MEIS1: variants seen among roughly 807,000 people sequenced by gnomAD.
MEIS1 encodes the protein Meis homeobox 1, also known as homeobox protein Meis1.
In MEIS1, 5 loss-of-function variants were observed where a neutral mutation model predicts 50.8. That is an observed-to-expected ratio of 0.10 (90% confidence interval 0.05 to 0.21). MEIS1 has a LOEUF of 0.21. Among genes scored for constraint, MEIS1 ranks in the 10% least tolerant of loss-of-function variants. The pLI is 1.00. For missense variants in MEIS1, 318 were observed against 517.3 expected (o/e 0.61, Z 3.74); for synonymous variants, 176 against 179.3 (o/e 0.98, Z 0.15).
intron 7 of MEIS1, among the ~76,000 whole-genome samples, chr2:66,485,420 C>A (rs180894405): frequency 6.6e-6 from 1 of 152,144 alleles, no homozygotes; most frequent in South Asian, 2.1e-4. Flanking sequence ...CATGTCCCTG[C>A]GAAGGACATG....
intron 8 of MEIS1, among the ~76,000 whole-genome samples, chr2:66,546,814 G>A (rs892655584): frequency 5.3e-5 from 8 of 152,118 alleles, no homozygotes; most frequent in African/African-American, 1.9e-4. Context: ...TAGATATAGA[G>A]CATATTTAAA....
intron 9 of MEIS1, among the ~76,000 whole-genome samples, chr2:66,562,738 CTG>C (rs1384588118): frequency 6.6e-6 from 1 of 151,968 alleles, no homozygotes; most frequent in Non-Finnish European, 1.5e-5. Flanking sequence ...TGTTTTGAGA[CTG>C]GAGATAGTTT....
chr2:66,449,460 TAAAAG>T (rs1420817559), intron 6 of MEIS1, among the ~76,000 whole-genome samples: 2 of 152,094 alleles, frequency 1.3e-5, no homozygotes, highest in Non-Finnish European at 2.9e-5. Flanking sequence ...GTGTAAAAGA[TAAAAG>T]AACATCTTCA....
chr2:66,565,188 A>T (rs1207673697), intron 9 of MEIS1, among the ~76,000 whole-genome samples: 1 of 152,120 alleles, frequency 6.6e-6, no homozygotes, highest in East Asian at 1.9e-4. Context: ...CTCAAACCTG[A>T]GTTGATTATT....
At chr2:66,505,202 C>A (rs949239598) in intron 7 of MEIS1, among the ~76,000 whole-genome samples, 1 of 152,088 alleles carries the variant, frequency 6.6e-6, no homozygotes, top group African/African-American at 2.4e-5. Context: ...TTGCTTGAGG[C>A]CAGGAGTTTG....
chr2:66,487,909 A>G (rs1224750112), intron 7 of MEIS1, among the ~76,000 whole-genome samples: 1 of 152,244 alleles, frequency 6.6e-6, no homozygotes, highest in African/African-American at 2.4e-5. Flanking sequence ...GTTAAGTTCC[A>G]CATAATTTCA....
Position 66,546,728 on chromosome 2 carries a change from TTAAG to T in MEIS1, c.889-1213_889-1210del, listed in dbSNP as rs1282830803. On this transcript the variant is annotated intron_variant, in intron 8 of 12. Coordinates refer to ENST00000272369, the MANE Select transcript of MEIS1 (RefSeq NM_002398.3). Reference sequence around the variant, plus strand: ...CTTATTCTAATTGTGTATTTATTGATTAAGTGACAATCATAGACAATGCTTATGG... The same window carrying T: ...CTTATTCTAATTGTGTATTTATTGATTGACAATCATAGACAATGCTTATGG... Among the ~76,000 whole-genome samples, 4 of 152,330 alleles carry T rather than the reference TTAAG, an allele frequency of 2.6e-5. No individual in the cohort carries two copies. The East Asian group carries it at 7.7e-4, about 29-fold the overall frequency.
At chr2:66,527,322 A>C (rs565953315) in intron 8 of MEIS1, among the ~76,000 whole-genome samples, 53 of 152,280 alleles carry the variant, frequency 3.5e-4, no homozygotes, top group African/African-American at 9.9e-4. Flanking sequence ...ATAAATTTCA[A>C]CTTCCTGGAG....
At chr2:66,563,997 C>T (rs1233606060) in intron 9 of MEIS1, among the ~76,000 whole-genome samples, 2 of 152,080 alleles carry the variant, frequency 1.3e-5, no homozygotes, top group Admixed American at 1.3e-4. Context: ...TCCATCATGA[C>T]CCCAAATAAT....
chr2:66,518,254 A>G (rs1231746645), intron 8 of MEIS1, among the ~76,000 whole-genome samples: 1 of 152,208 alleles, frequency 6.6e-6, no homozygotes, highest in Non-Finnish European at 1.5e-5. Flanking sequence ...CTGAGACTCT[A>G]TGTTACTGTC....
intron 7 of MEIS1, among the ~76,000 whole-genome samples, chr2:66,503,080 C>G (rs778095274): frequency 2.0e-5 from 3 of 152,102 alleles, no homozygotes. Context: ...CCATTGTCCC[C>G]CATTCTTTAA....
At chr2:66,441,686 C>T (rs1402801177) in intron 5 of MEIS1, 6 of 505,030 alleles carry the variant, frequency 1.2e-5, no homozygotes, top group Non-Finnish European at 2.1e-5. Context: ...GCCTTGTGTT[C>T]ATTCTTAATA....
intron 9 of MEIS1, among the ~76,000 whole-genome samples, chr2:66,549,980 G>A (rs906322454): frequency 1.3e-5 from 2 of 152,204 alleles, no homozygotes; most frequent in African/African-American, 4.8e-5. Context: ...AGTCTCTGCC[G>A]GAGAGCAATC....
intron 10 of MEIS1, 33 bp from the exon 11 acceptor site, chr2:66,568,634 G>A (rs1675409633): frequency 1.3e-6 from 2 of 1,549,622 alleles, no homozygotes; most frequent in Non-Finnish European, 8.9e-7. Flanking sequence ...CTCAGAGACT[G>A]TTATTAAAAA....
intron 8 of MEIS1, 60 bp downstream of exon 8, chr2:66,512,354 C>T: frequency 6.7e-7 from 1 of 1,503,458 alleles, no homozygotes; most frequent in Non-Finnish European, 8.9e-7. Flanking sequence ...AGTTTTTATA[C>T]AAAAAAATGA....
intron 6 of MEIS1, among the ~76,000 whole-genome samples, chr2:66,445,042 C>T (rs768681781): frequency 6.6e-6 from 1 of 152,200 alleles, no homozygotes; most frequent in Non-Finnish European, 1.5e-5. Flanking sequence ...CCCCCCTTCT[C>T]CTTCCCTAAA....
At chr2:66,513,445 C>T (rs1673881614) in intron 8 of MEIS1, among the ~76,000 whole-genome samples, 1 of 152,076 alleles carries the variant, frequency 6.6e-6, no homozygotes, top group African/African-American at 2.4e-5. Flanking sequence ...TTTACGGGTA[C>T]AGAGATACAA....
intron 9 of MEIS1, among the ~76,000 whole-genome samples, chr2:66,553,056 A>T (rs1415970491): frequency 6.6e-6 from 1 of 152,232 alleles, no homozygotes; most frequent in East Asian, 1.9e-4. Context: ...AAAGAAAAAA[A>T]CAGTACACGA....
At chr2:66,492,232 C>T (rs1673291419) in intron 7 of MEIS1, among the ~76,000 whole-genome samples, 1 of 151,942 alleles carries the variant, frequency 6.6e-6, no homozygotes, top group Admixed American at 6.6e-5. Context: ...GCTGACCAGG[C>T]AGCCATGAAC....
Sources: allele counts gnomAD v4.1 joint callset (sites outside exome capture counted in the v4.1 genomes callset), GRCh38; gene constraint gnomAD v4.1.1; transcripts MANE v1.5; gene names NCBI Gene and HGNC (gene_info 2026-07-23, HGNC 2026-07-21).